CDK14: variants seen among roughly 807,000 people sequenced by gnomAD.
CDK14 encodes the protein cyclin dependent kinase 14, also known as cyclin-dependent kinase 14.
In CDK14, 34 loss-of-function variants were observed where a neutral mutation model predicts 60.7. The ratio of observed to expected loss-of-function variants is 0.56; its 90% CI spans 0.43 to 0.75. The LOEUF is 0.75. Among genes scored for constraint, CDK14 ranks in the 30% least tolerant of loss-of-function variants. The pLI is 0.00. For synonymous variants in CDK14, 197 were observed against 203.7 expected (o/e 0.97, Z 0.28); for missense variants, 482 against 564.1 (o/e 0.85, Z 1.47).
chr7:91,017,891 G>A (rs898240144), intron 10 of CDK14, among the ~76,000 whole-genome samples: 10 of 152,138 alleles, frequency 6.6e-5, no homozygotes, highest in Non-Finnish European at 1.5e-5. Flanking sequence ...CTAAAAATGG[G>A]CTGCAAACCA....
intron 2 of CDK14, among the ~76,000 whole-genome samples, chr7:90,682,229 A>G (rs907284540): frequency 4.6e-5 from 7 of 152,140 alleles, no homozygotes; most frequent in African/African-American, 1.7e-4. Flanking sequence ...TAACCTAGAA[A>G]AATCTTTAAG....
chr7:90,769,969 A>G (rs912368781), intron 4 of CDK14, among the ~76,000 whole-genome samples: 3 of 152,226 alleles, frequency 2.0e-5, no homozygotes, highest in African/African-American at 7.2e-5. Flanking sequence ...TTTTCCTCAA[A>G]GTGGCCAAAT....
At chr7:91,121,528 T>G (rs1213840917) in intron 14 of CDK14, among the ~76,000 whole-genome samples, 2 of 152,200 alleles carry the variant, frequency 1.3e-5, no homozygotes, top group African/African-American at 4.8e-5. Context: ...CCAAGGTCAC[T>G]TCAATTATTT....
chr7:90,658,951 A>T (rs986981198), intron 2 of CDK14, among the ~76,000 whole-genome samples: 1 of 152,206 alleles, frequency 6.6e-6, no homozygotes, highest in African/African-American at 2.4e-5. Flanking sequence ...AATTAGAGTT[A>T]CAATGGAGTA....
intron 14 of CDK14, among the ~76,000 whole-genome samples, chr7:91,179,370 A>G (rs10245644): frequency 3.5e-3 from 299 of 86,630 alleles, no homozygotes; most frequent in Middle Eastern, 5.5e-3. Flanking sequence ...GGGGGGAGGG[A>G]GGAGGGATAG....
chr7:90,790,478 G>T (rs965513917), intron 4 of CDK14, 95 bp from the exon 5 acceptor site: 25 of 726,196 alleles, frequency 3.4e-5, no homozygotes, highest in Non-Finnish European at 2.8e-5. Context: ...TAGCATAAAA[G>T]TGAATTTATT....
intron 14 of CDK14, among the ~76,000 whole-genome samples, chr7:91,157,000 T>C (rs114343276): frequency 1.5e-4 from 23 of 152,336 alleles, no homozygotes; most frequent in African/African-American, 5.1e-4. Flanking sequence ...AGGAATTAAA[T>C]TCCATCCTTG....
chr7:90,707,893 C>A (rs1471846961), intron 2 of CDK14, among the ~76,000 whole-genome samples: 1 of 152,174 alleles, frequency 6.6e-6, no homozygotes, highest in Non-Finnish European at 1.5e-5. Context: ...TATTTCTAAT[C>A]ACTTAAGGCA....
intron 14 of CDK14, among the ~76,000 whole-genome samples, chr7:91,198,002 A>G (rs943812351): frequency 6.6e-6 from 1 of 152,186 alleles, no homozygotes; most frequent in African/African-American, 2.4e-5. Flanking sequence ...AAGCAGGTAC[A>G]TGGGAGGGAG....
intron 2 of CDK14, among the ~76,000 whole-genome samples, chr7:90,636,686 T>C (rs1800158340): frequency 6.6e-6 from 1 of 152,148 alleles, no homozygotes; most frequent in Admixed American, 6.5e-5. Context: ...TTTCTGTTGA[T>C]TGGAATAGTT....
In CDK14 at chr7:91,178,292, C is replaced by T. The variant is rs575631221; in HGVS notation, c.*29-28873C>T. 1.3e-3 allele frequency among the ~76,000 whole-genome samples: 154 copies of T among 122,588 alleles called. 1 individual carries two copies. The highest frequency in any genetic ancestry group is 4.6e-3 in the African/African-American group (149 of 32,554). 80.4% of individuals were successfully genotyped at this position (122,588 alleles called of 152,430 possible). A position where few individuals can be genotyped will look rare whatever the true frequency, so the allele number is the denominator to read the frequency against. ...GCTGAAACTGGATCCCTTCCTTACA[C>T]CTTATACAAAAATGAATTCAAGATG... On this transcript the variant is annotated intron_variant, in intron 14 of 14. Transcript: ENST00000380050.
At chr7:91,051,162 G>A (rs1797380081) in intron 11 of CDK14, among the ~76,000 whole-genome samples, 1 of 152,114 alleles carries the variant, frequency 6.6e-6, no homozygotes. Context: ...TCTCTCACCT[G>A]AATTAATAGA....
In CDK14 at chr7:91,175,092, G is replaced by T. The variant is rs1028735537; in HGVS notation, c.*29-32073G>T. 9.5e-5 allele frequency among the ~76,000 whole-genome samples: 14 copies of T among 147,572 alleles called. No homozygotes were observed. The East Asian group carries it at 1.2e-3, about 13-fold the overall frequency. On this transcript the variant is annotated intron_variant, in intron 14 of 14. Transcript: ENST00000380050. ...GTTACCCTCAAAGGGAAGCCCATCA[G>T]ACTAACAGCGGATCTCTCGGCAGAA...
intron 11 of CDK14, among the ~76,000 whole-genome samples, chr7:91,048,334 A>C (rs1334085799): frequency 6.6e-6 from 1 of 152,174 alleles, no homozygotes; most frequent in African/African-American, 2.4e-5. Flanking sequence ...TGCAAGGAGG[A>C]GGCCAATGTG....
At chr7:90,892,387 C>T (rs1792163426) in intron 6 of CDK14, among the ~76,000 whole-genome samples, 1 of 152,202 alleles carries the variant, frequency 6.6e-6, no homozygotes. Context: ...AGCCTCATGG[C>T]TGTTGTTGCA....
At chr7:91,074,077 A>G (rs915629970) in intron 11 of CDK14, among the ~76,000 whole-genome samples, 2 of 152,118 alleles carry the variant, frequency 1.3e-5, no homozygotes, top group Non-Finnish European at 2.9e-5. Context: ...CCCCAGTGTC[A>G]ATATTAGATT....
At chr7:91,200,414 A>T (rs1263521764) in intron 14 of CDK14, among the ~76,000 whole-genome samples, 1 of 152,202 alleles carries the variant, frequency 6.6e-6, no homozygotes, top group African/African-American at 2.4e-5. Flanking sequence ...TAGGTAAAAC[A>T]ATTTGTTTGT....
chr7:91,180,491 A>C (rs902755623), intron 14 of CDK14, among the ~76,000 whole-genome samples: 6 of 151,974 alleles, frequency 3.9e-5, no homozygotes, highest in African/African-American at 1.5e-4. Flanking sequence ...CATAGAAAGA[A>C]GACTGAAAAA....
chr7:90,683,626 C>A (rs1034976466), intron 2 of CDK14, among the ~76,000 whole-genome samples: 3 of 152,166 alleles, frequency 2.0e-5, no homozygotes, highest in Admixed American at 1.3e-4. Context: ...CATGGTGAAA[C>A]CCCATCTCTA....
Sources: gnomAD v4.1 joint callset for allele counts (sites outside exome capture counted in the v4.1 genomes callset) on GRCh38, gnomAD v4.1.1 for gene constraint, MANE v1.5 for transcripts, NCBI Gene and HGNC (gene_info 2026-07-23, HGNC 2026-07-21) for gene names.